Variants in BANK1 observed in about 807,000 individuals in gnomAD.
BANK1 encodes the protein B-cell scaffold protein with ankyrin repeats.
A neutral mutation model predicts 94.5 loss-of-function variants in BANK1; 95 were observed. The observed-to-expected ratio is 1.00, with a 90% CI of 0.85 to 1.19. BANK1 has a LOEUF of 1.19. Among genes scored for constraint, BANK1 ranks in the 50% most tolerant of loss-of-function variants. BANK1 has a pLI of 0.00. For missense variants in BANK1, 987 were observed against 932.2 expected, an observed-to-expected ratio of 1.06 and a Z score of -0.77; for synonymous variants, 334 against 308.4, an observed-to-expected ratio of 1.08 and a Z score of -0.87.
At chr4:101,975,544 C>T (rs989983186) in intron 7 of BANK1, among the ~76,000 whole-genome samples, 7 of 152,142 alleles carry the variant, frequency 4.6e-5, no homozygotes, top group African/African-American at 1.7e-4. Flanking sequence ...AGAGACAGTT[C>T]TCTCTGTGTC....
chr4:101,908,181 C>G (rs894685811), intron 6 of BANK1, among the ~76,000 whole-genome samples: 1 of 152,200 alleles, frequency 6.6e-6, no homozygotes, highest in Admixed American at 6.5e-5. Flanking sequence ...GTAACCAAAA[C>G]AGCATGGTAC....
intron 1 of BANK1, among the ~76,000 whole-genome samples, chr4:101,816,189 A>G (rs984348221): frequency 1.3e-5 from 2 of 152,206 alleles, no homozygotes; most frequent in African/African-American, 4.8e-5. Context: ...TTATGCAGGT[A>G]TAATTGCTCG....
chr4:101,790,905 G>T lies in BANK1; in HGVS notation c.25G>T (p.Gly9Trp). Residue 9 changes from glycine (G) to tryptophan (W), a missense_variant, in exon 1 of 17, where the codon GGG becomes TGG. Gly to Trp is a radical substitution (Grantham distance 184, BLOSUM62 -2). Coordinates refer to ENST00000322953, the MANE Select transcript of BANK1 (RefSeq NM_017935.5). Reference sequence around the variant, plus strand: ...AATGCTGCCAGCAGCGCCAGGCAAGGGGCTTGGGAGCCCGGACCCCGCCCC... The same window carrying T: ...AATGCTGCCAGCAGCGCCAGGCAAGTGGCTTGGGAGCCCGGACCCCGCCCC... Reference protein sequence around the residue: MLPAAPGKGLGSPDPAPCG... With the variant: MLPAAPGKWLGSPDPAPCG... 2.6e-6 allele frequency: 4 copies of T among 1,538,270 alleles called. No homozygotes were observed. The highest frequency in any genetic ancestry group is 3.5e-6 in the Non-Finnish European group (4 of 1,146,802).
In BANK1 at chr4:101,958,136, G is replaced by A. The variant is rs181568049; in HGVS notation, c.1206+39947G>A. Among the ~76,000 whole-genome samples, 573 of 152,126 alleles carry A rather than the reference G, an allele frequency of 3.8e-3. 4 individuals are homozygous for A. Among genetic ancestry groups the A allele is most frequent in the African/African-American group, 0.013 (540 of 41,512 alleles). Reference sequence around the variant, plus strand: ...GCTGGGATTACAGGTGTGAGCCACCGCTCCTGGCCTAGGTTTGTTATTTAG... The same window carrying A: ...GCTGGGATTACAGGTGTGAGCCACCACTCCTGGCCTAGGTTTGTTATTTAG... On this transcript the variant is annotated intron_variant, in intron 7 of 16. Transcript: ENST00000322953.
At chr4:101,924,548 G>T (rs1219179459) in intron 7 of BANK1, among the ~76,000 whole-genome samples, 8 of 151,778 alleles carry the variant, frequency 5.3e-5, no homozygotes, top group African/African-American at 1.9e-4. Flanking sequence ...GGGTCAGGAT[G>T]ATGTACAGCT....
At chr4:101,950,018 GGTGT>G (rs6148602) in intron 7 of BANK1, among the ~76,000 whole-genome samples, 38,663 of 149,270 alleles carry the variant, frequency 0.26, 5,986 homozygotes, top group South Asian at 0.41. Flanking sequence ...GGAAGTAAGG[GGTGT>G]GTGTGTGTGT....
At chr4:101,895,142 C>A (rs905210995) in intron 5 of BANK1, among the ~76,000 whole-genome samples, 163 bp from the exon 6 acceptor site, 4 of 151,674 alleles carry the variant, frequency 2.6e-5, no homozygotes, top group African/African-American at 9.7e-5. Flanking sequence ...GGTTTTTAGG[C>A]AAGGCCCTTA....
intron 1 of BANK1, among the ~76,000 whole-genome samples, chr4:101,818,872 ATTT>A (rs70964193): frequency 1.3e-4 from 18 of 136,134 alleles, no homozygotes; most frequent in African/African-American, 1.3e-4. Flanking sequence ...AGATTACTGT[ATTT>A]TTTTTTTTTT....
rs1275673148 is a variant in BANK1, at chr4:102,060,252, G to A, written c.2011G>A (p.Gly671Ser). The change falls in exon 12 of 17, where the codon GGC (glycine) becomes AGC (serine). Residue 671 changes from glycine to serine, a missense_variant. Transcript: ENST00000322953. ...GAGTCCAGCCTTTTCTACTCTCAGG[G>A]GCTGTCTAACTGATGGTCAGGAAGA... The part of the protein sequence containing the change: ...IESPAFSTLR[G>S]CLTDGQEELI... The A allele has an allele frequency of 6.2e-7, 1 of 1,604,618 alleles. No homozygotes were observed. The highest frequency in any genetic ancestry group is 1.1e-5 in the South Asian group (1 of 89,236).
intron 3 of BANK1, among the ~76,000 whole-genome samples, chr4:101,855,716 G>T (rs1162465675): frequency 6.6e-6 from 1 of 152,138 alleles, no homozygotes; most frequent in Non-Finnish European, 1.5e-5. Flanking sequence ...CATACCCTTG[G>T]ATAGAATTTT....
intron 2 of BANK1, among the ~76,000 whole-genome samples, chr4:101,852,485 TATATATATATATATATATACAC>T (rs960980226): frequency 6.4e-5 from 7 of 108,864 alleles, no homozygotes; most frequent in African/African-American, 2.1e-4. Context: ...TATATATATA[TATATATATATATATATATACAC>T]ACACACATAT....
intron 7 of BANK1, among the ~76,000 whole-genome samples, chr4:102,007,071 T>TATATATAA: frequency 1.5e-4 from 15 of 99,904 alleles, no homozygotes; most frequent in African/African-American, 2.0e-4. Context: ...TATAATTTTA[T>TATATATAA]ATATATATAA....
chr4:101,870,747 A>G (rs1728255341), intron 5 of BANK1, 103 bp downstream of exon 5: 6 of 1,323,612 alleles, frequency 4.5e-6, no homozygotes, highest in Middle Eastern at 1.9e-4. Context: ...GGATTGAATA[A>G]CAGTGAATTA....
intron 5 of BANK1, among the ~76,000 whole-genome samples, chr4:101,885,180 G>A (rs933686969): frequency 2.0e-5 from 3 of 152,236 alleles, no homozygotes; most frequent in African/African-American, 7.2e-5. Flanking sequence ...GCTTCCCAAA[G>A]TGCTGGGATT....
chr4:101,841,065 A>T (rs1727027991), intron 2 of BANK1, among the ~76,000 whole-genome samples: 1 of 152,158 alleles, frequency 6.6e-6, no homozygotes, highest in Non-Finnish European at 1.5e-5. Context: ...GGCCTACGTG[A>T]TCCACCTGCC....
chr4:102,015,507 A>C (rs1361670830), intron 7 of BANK1, among the ~76,000 whole-genome samples: 1 of 152,214 alleles, frequency 6.6e-6, no homozygotes, highest in African/African-American at 2.4e-5. Flanking sequence ...AAAAAGACTT[A>C]AGATGTAGAT....
intron 7 of BANK1, among the ~76,000 whole-genome samples, chr4:101,986,850 T>C (rs529024143): frequency 1.4e-5 from 1 of 71,418 alleles, no homozygotes; most frequent in South Asian, 6.1e-4. Flanking sequence ...TATGTGTATA[T>C]ATATGTATAT....
intron 7 of BANK1, among the ~76,000 whole-genome samples, chr4:102,007,051 A>G (rs1406067173): frequency 4.3e-4 from 55 of 126,882 alleles, no homozygotes; most frequent in African/African-American, 1.5e-3. Flanking sequence ...ATATATATAT[A>G]TATAAAATAT....
chr4:101,929,397 T>A (rs1723271383), intron 7 of BANK1, among the ~76,000 whole-genome samples: 1 of 151,660 alleles, frequency 6.6e-6, no homozygotes. Flanking sequence ...ATCACCATTT[T>A]AAAACTTCCC....
Sources: allele counts gnomAD v4.1 joint callset (sites outside exome capture counted in the v4.1 genomes callset), GRCh38; gene constraint gnomAD v4.1.1; transcripts MANE v1.5; gene names NCBI Gene and HGNC (gene_info 2026-07-23, HGNC 2026-07-21).